NID2: variants seen among roughly 807,000 people sequenced by gnomAD.
NID2 encodes nidogen-2.
Under a neutral mutation model 145.4 loss-of-function variants are expected in NID2, and 83 were observed. The observed-to-expected ratio is 0.57, with a 90% confidence interval of 0.48 to 0.69. The LOEUF (loss-of-function observed/expected upper bound fraction) is 0.69. Among genes scored for constraint, NID2 ranks in the 30% least tolerant of loss-of-function variants. NID2 has a pLI of 0.00. For missense variants in NID2, 1,807 were observed against 1,765.7 expected, an observed-to-expected ratio of 1.02 and a Z score of -0.42; for synonymous variants, 739 against 701.3, an observed-to-expected ratio of 1.05 and a Z score of -0.85.
At position 52,015,080 on chromosome 14, in the gene NID2, C is replaced by A; in HGVS notation, c.3224G>T (p.Arg1075Leu). The A allele has an allele frequency of 6.2e-7, 1 of 1,613,868 alleles. No individual in the cohort carries two copies. The highest frequency in any genetic ancestry group is 8.5e-7 in the Non-Finnish European group (1 of 1,179,892). ...DKDGREVQGT[R>L]SQPGTTPACI... ...CGCAGGGGTGGTGCCTGGCTGGGAGCGGGTGCCCTGCACCTCTCTGCCATC... is the reference window on the plus strand; with the variant it reads ...CGCAGGGGTGGTGCCTGGCTGGGAGAGGGTGCCCTGCACCTCTCTGCCATC... The change falls in exon 15 of 22, where the codon CGC becomes CTC. Residue 1075 changes from arginine (R) to leucine (L), a missense_variant. Coordinates refer to ENST00000216286, the MANE Select transcript of NID2 (RefSeq NM_007361.4).
At chr14:52,067,767 A>G (rs1893271654) in intron 2 of NID2, 91 bp downstream of exon 2, 1 of 1,472,086 alleles carries the variant, frequency 6.8e-7, no homozygotes, top group Non-Finnish European at 9.4e-7. Flanking sequence ...GTAGGCTCAG[A>G]AACAACTCCG....
intron 2 of NID2, among the ~76,000 whole-genome samples, chr14:52,061,051 T>A (rs1893008306): frequency 6.6e-6 from 1 of 152,122 alleles, no homozygotes; most frequent in African/African-American, 2.4e-5. Flanking sequence ...CCCTAACCCC[T>A]CCTCAACATG....
chr14:52,064,682 T>C (rs17252768), intron 2 of NID2, among the ~76,000 whole-genome samples: 4,302 of 152,374 alleles, frequency 0.028, 86 homozygotes, highest in Non-Finnish European at 0.046. Context: ...ATCTGTCTTA[T>C]GTTACTGCCT....
intron 3 of NID2, 61 bp from the exon 4 acceptor site, chr14:52,054,382 T>C: frequency 6.7e-7 from 1 of 1,493,800 alleles, no homozygotes; most frequent in Non-Finnish European, 9.1e-7. Flanking sequence ...TCACCCACCT[T>C]CCTAGAAGGT....
At position 52,014,472 on chromosome 14, in the gene NID2, T is replaced by C. The variant is rs909584846; in HGVS notation, c.3251-16A>G. ...GTGGGTATACCTGTGGGAGAGAGGG[T>C]GGGAGAGCAGGAAGGGGAACAAGGG... is the stretch of plus-strand genomic sequence containing the variant. On this transcript the variant is annotated splice_polypyrimidine_tract_variant and intron_variant, in intron 15 of 21. Transcript: ENST00000216286. 9 of 1,592,474 alleles carry C rather than the reference T, an allele frequency of 5.7e-6. 1 individual carries two copies. In the Admixed American group the frequency reaches 9.0e-5, roughly 16 times the overall value.
intron 9 of NID2, among the ~76,000 whole-genome samples, chr14:52,031,377 C>T (rs965343059): frequency 2.0e-5 from 3 of 152,192 alleles, no homozygotes; most frequent in African/African-American, 7.2e-5. Context: ...CTCCTTCTGC[C>T]TTCTCAGTGG....
At chr14:52,015,410 G>A (rs937472554) in intron 14 of NID2, 135 bp from the exon 15 acceptor site, 15 of 737,332 alleles carry the variant, frequency 2.0e-5, no homozygotes, top group African/African-American at 3.6e-5. Context: ...AGCCAAGCCC[G>A]TGGACACCAA....
At chr14:52,058,363 C>T (rs1271855596) in intron 3 of NID2, among the ~76,000 whole-genome samples, 4 of 152,208 alleles carry the variant, frequency 2.6e-5, no homozygotes, top group African/African-American at 9.6e-5. Flanking sequence ...TCATGGATAA[C>T]TTTTACTTTT....
intron 16 of NID2, among the ~76,000 whole-genome samples, chr14:52,013,984 T>C (rs2140352268): frequency 6.6e-6 from 1 of 152,314 alleles, no homozygotes; most frequent in South Asian, 2.1e-4. Flanking sequence ...TAAGAGTCGG[T>C]CCATTTTCCC....
chr14:52,051,223 G>C (rs1051533962), intron 5 of NID2, among the ~76,000 whole-genome samples: 2 of 152,258 alleles, frequency 1.3e-5, no homozygotes, highest in East Asian at 1.9e-4. Context: ...TATTTTCTGG[G>C]CCTTTAACTA....
At chr14:52,009,434 C>T (rs1594997688) in intron 18 of NID2, 1 of 152,156 alleles carries the variant, frequency 6.6e-6, no homozygotes, top group Non-Finnish European at 1.5e-5. Flanking sequence ...GCTTGACAAC[C>T]ATTCTGTTAC....
intron 16 of NID2, 32 bp downstream of exon 16, chr14:52,014,255 G>T (rs758479328): frequency 2.7e-5 from 43 of 1,613,930 alleles, no homozygotes; most frequent in Non-Finnish European, 3.4e-5. Context: ...AAGCCACGCA[G>T]CCCTGCCCCC....
At chr14:52,043,720 G>T (rs1595040202) in intron 5 of NID2, among the ~76,000 whole-genome samples, 1 of 152,244 alleles carries the variant, frequency 6.6e-6, no homozygotes, top group Non-Finnish European at 1.5e-5. Context: ...GGCCATCTGT[G>T]CTGCAAAGAA....
intron 5 of NID2, among the ~76,000 whole-genome samples, chr14:52,046,159 T>A (rs1228583811): frequency 6.6e-6 from 1 of 151,598 alleles, no homozygotes; most frequent in Non-Finnish European, 1.5e-5. Flanking sequence ...CCGTCTCTAC[T>A]AAAAATACAA....
chr14:52,017,813 C>A (rs2140358267), intron 14 of NID2, among the ~76,000 whole-genome samples: 1 of 151,836 alleles, frequency 6.6e-6, no homozygotes. Context: ...CCGCCAAGAC[C>A]TGACCTTTTT....
chr14:52,029,442 G>T, intron 10 of NID2, 105 bp downstream of exon 10: 1 of 1,018,776 alleles, frequency 9.8e-7, no homozygotes, highest in Non-Finnish European at 1.4e-6. Flanking sequence ...ATTGACAATG[G>T]AGGTTGTAAA....
At chr14:52,057,399 C>A (rs1393914364) in intron 3 of NID2, among the ~76,000 whole-genome samples, 1 of 152,076 alleles carries the variant, frequency 6.6e-6, no homozygotes, top group Non-Finnish European at 1.5e-5. Context: ...ATGTTTGTGA[C>A]TTACTTTAAA....
intron 16 of NID2, among the ~76,000 whole-genome samples, chr14:52,012,683 CCT>C (rs1413183774): frequency 3.9e-5 from 6 of 152,060 alleles, no homozygotes; most frequent in Non-Finnish European, 8.8e-5. Flanking sequence ...GGTCTCTCCT[CCT>C]CATTGCTAAA....
intron 12 of NID2, among the ~76,000 whole-genome samples, chr14:52,025,213 C>T (rs899586677): frequency 1.3e-5 from 2 of 152,172 alleles, no homozygotes; most frequent in Non-Finnish European, 2.9e-5. Context: ...GGCACCTCAC[C>T]CTGAACTCCA....
Sources: gnomAD v4.1 joint callset for allele counts (sites outside exome capture counted in the v4.1 genomes callset) on GRCh38, gnomAD v4.1.1 for gene constraint, MANE v1.5 for transcripts, NCBI Gene and HGNC (gene_info 2026-07-23, HGNC 2026-07-21) for gene names.